SLC26A7: variants seen among roughly 807,000 people sequenced by gnomAD.
SLC26A7 encodes the protein anion exchange transporter.
SLC26A7 carries 59 observed loss-of-function variants against 82.5 expected under a neutral mutation model. That is an observed-to-expected ratio of 0.72 (90% CI 0.58 to 0.89). The LOEUF (loss-of-function observed/expected upper bound fraction) is 0.89. SLC26A7 is among the 40% of genes least tolerant of loss of function. The pLI, the probability that SLC26A7 is intolerant of heterozygous loss-of-function variation, is 0.00. For synonymous variants in SLC26A7, 271 were observed against 274.3 expected (o/e 0.99, Z 0.12); for missense variants, 820 against 793.0 (o/e 1.03, Z -0.41).
intron 1 of SLC26A7, among the ~76,000 whole-genome samples, chr8:91,217,813 GA>G (rs970660004): frequency 3.3e-5 from 5 of 152,060 alleles, no homozygotes; most frequent in Non-Finnish European, 5.9e-5. Flanking sequence ...ATCTTTGTAG[GA>G]AAAAAGTCAG....
At chr8:91,334,844 T>C (rs1335801959) in intron 6 of SLC26A7, among the ~76,000 whole-genome samples, 1 of 152,152 alleles carries the variant, frequency 6.6e-6, no homozygotes, top group Non-Finnish European at 1.5e-5. Flanking sequence ...TGTATAGAAA[T>C]ATTATCAATT....
upstream of SLC26A7, among the ~76,000 whole-genome samples, chr8:91,246,067 C>T (rs554515852): frequency 6.6e-6 from 1 of 152,282 alleles, no homozygotes; most frequent in East Asian, 1.9e-4. Context: ...GCTGAGCAAA[C>T]AAAGATAAAA....
intron 2 of SLC26A7, among the ~76,000 whole-genome samples, chr8:91,236,082 A>G (rs1008158546): frequency 3.3e-5 from 5 of 152,256 alleles, no homozygotes; most frequent in Non-Finnish European, 7.3e-5. Flanking sequence ...TGGAACAGAC[A>G]CTGGTCCCCA....
chr8:91,277,300 C>T (rs1373080612), intron 2 of SLC26A7, among the ~76,000 whole-genome samples: 2 of 152,204 alleles, frequency 1.3e-5, no homozygotes, highest in African/African-American at 4.8e-5. Flanking sequence ...ATCATTCTCC[C>T]ACTGCCTTTG....
chr8:91,385,995 GT>G (rs1190093094), intron 15 of SLC26A7, among the ~76,000 whole-genome samples: 1 of 152,082 alleles, frequency 6.6e-6, no homozygotes, highest in Admixed American at 6.5e-5. Context: ...TGACAAATAA[GT>G]TTTTGATCAG....
intron 15 of SLC26A7, among the ~76,000 whole-genome samples, chr8:91,371,050 T>C (rs1814345806): frequency 6.6e-6 from 1 of 151,924 alleles, no homozygotes; most frequent in African/African-American, 2.4e-5. Flanking sequence ...GAATGACATC[T>C]ATTACTTTAA....
chr8:91,351,971 C>T, intron 10 of SLC26A7, 84 bp downstream of exon 10: 3 of 1,007,990 alleles, frequency 3.0e-6, no homozygotes, highest in East Asian at 2.4e-5. Context: ...GGAAGTATAA[C>T]CTCAACAATC....
chr8:91,389,385 G>C lies in SLC26A7; in HGVS notation c.1723G>C (p.Asp575His). 6.2e-7 allele frequency: 1 copy of C among 1,614,062 alleles called. No individual in the cohort carries two copies. Among genetic ancestry groups the C allele is most frequent in the Middle Eastern group, 1.6e-4 (1 of 6,062 alleles). The change falls in exon 16 of 19, where the codon GAT becomes CAT. Residue 575 changes from aspartate to histidine, a missense_variant. Asp to His is a moderately conservative substitution (Grantham distance 81). Coordinates refer to ENST00000276609, the MANE Select transcript of SLC26A7 (RefSeq NM_052832.4). ...TAATGAGAAGTGTTATTTAATCCTG[G>C]ATTGCAGTGGATTTACCTTTTTTGA... The part of the protein sequence containing the change: ...CPNEKCYLIL[D>H]CSGFTFFDYS...
intron 2 of SLC26A7, among the ~76,000 whole-genome samples, chr8:91,266,052 G>A (rs531062138): frequency 6.6e-6 from 1 of 151,950 alleles, no homozygotes; most frequent in East Asian, 1.9e-4. Flanking sequence ...ATTTTTTTTA[G>A]TGGTTACGTA....
intron 2 of SLC26A7, among the ~76,000 whole-genome samples, chr8:91,238,160 G>A (rs1196109685): frequency 1.3e-5 from 2 of 152,082 alleles, no homozygotes; most frequent in African/African-American, 4.8e-5. Context: ...AAAGTAAAAG[G>A]AGCCTGTAAA....
intron 2 of SLC26A7, among the ~76,000 whole-genome samples, chr8:91,237,447 C>T (rs1284343025): frequency 6.6e-6 from 1 of 152,170 alleles, no homozygotes; most frequent in Non-Finnish European, 1.5e-5. Flanking sequence ...CAATTTCTTT[C>T]CTCTCTATTT....
upstream of SLC26A7, among the ~76,000 whole-genome samples, chr8:91,247,502 G>T (rs569729408): frequency 6.6e-6 from 1 of 151,226 alleles, no homozygotes; most frequent in South Asian, 2.1e-4. Flanking sequence ...TAATATGTAT[G>T]CACATGGAAA....
intron 14 of SLC26A7, among the ~76,000 whole-genome samples, chr8:91,369,568 A>G (rs1814296277): frequency 6.6e-6 from 1 of 152,174 alleles, no homozygotes; most frequent in South Asian, 2.1e-4. Flanking sequence ...CAGTCTGATA[A>G]CATAAATTAT....
chr8:91,322,874 C>G (rs1002822686), intron 5 of SLC26A7, among the ~76,000 whole-genome samples: 3 of 152,110 alleles, frequency 2.0e-5, no homozygotes, highest in African/African-American at 7.2e-5. Flanking sequence ...TTCTCACCCC[C>G]CACCCCTGAA....
At chr8:91,360,010 A>G (rs573615900) in intron 11 of SLC26A7, among the ~76,000 whole-genome samples, 1 of 152,266 alleles carries the variant, frequency 6.6e-6, no homozygotes, top group South Asian at 2.1e-4. Flanking sequence ...ACAGTTTAAT[A>G]TTGATTCTAT....
intron 5 of SLC26A7, among the ~76,000 whole-genome samples, chr8:91,326,782 A>C (rs1812942378): frequency 6.6e-6 from 1 of 152,210 alleles, no homozygotes; most frequent in Admixed American, 6.5e-5. Flanking sequence ...AAGACACTTC[A>C]AAATCAAGGT....
intron 2 of SLC26A7, among the ~76,000 whole-genome samples, chr8:91,287,699 G>A (rs1044657150): frequency 3.3e-5 from 5 of 152,134 alleles, no homozygotes; most frequent in Admixed American, 6.5e-5. Context: ...CTGAAAAATG[G>A]ATGAGAAAAA....
chr8:91,324,476 A>G (rs1812881477), intron 5 of SLC26A7, among the ~76,000 whole-genome samples: 1 of 152,202 alleles, frequency 6.6e-6, no homozygotes, highest in Non-Finnish European at 1.5e-5. Flanking sequence ...TTAATTGTCC[A>G]ACAGAATAAT....
intron 8 of SLC26A7, among the ~76,000 whole-genome samples, chr8:91,342,176 C>T (rs774712895): frequency 1.3e-5 from 2 of 152,080 alleles, no homozygotes; most frequent in Admixed American, 6.5e-5. Context: ...AGAGATCCCC[C>T]GCCTCTGCCT....
Sources: gnomAD v4.1 joint callset for allele counts (sites outside exome capture counted in the v4.1 genomes callset) on GRCh38, gnomAD v4.1.1 for gene constraint, MANE v1.5 for transcripts, NCBI Gene and HGNC (gene_info 2026-07-23, HGNC 2026-07-21) for gene names.